Variants in ASPHD1 observed in about 807,000 individuals in gnomAD.
The protein encoded by ASPHD1 is aspartate beta-hydroxylase domain containing 1, also known as aspartate beta-hydroxylase domain-containing protein 1.
In ASPHD1, 20 loss-of-function variants were observed where a neutral mutation model predicts 28.3. That is an observed-to-expected ratio of 0.71 (90% confidence interval 0.50 to 1.03). ASPHD1 has a LOEUF of 1.03. Ranked by LOEUF, ASPHD1 falls within the 50% of genes least tolerant of loss-of-function variation. The pLI is 0.00. For synonymous variants in ASPHD1, 240 were observed against 221.2 expected, an observed-to-expected ratio of 1.08 and a Z score of -0.75; for missense variants, 479 against 524.1, an observed-to-expected ratio of 0.91 and a Z score of 0.84.
At chr16:29,909,497 T>C (rs1460233663), downstream of ASPHD1, among the ~76,000 whole-genome samples, 1 of 152,070 alleles carries the variant, frequency 6.6e-6, no homozygotes, top group Non-Finnish European at 1.5e-5. Context: ...GGGCTTGTAT[T>C]TTGCTCAGCA....
Position 29,901,777 on chromosome 16 carries a change from C to T in ASPHD1, c.806C>T (p.Pro269Leu), listed in dbSNP as rs764035673. ...RCQPSNCRRC[P>L]GAYRALRGLR... ...CAACCCAGCAACTGCCGCCGGTGCC[C>T]GGGGGCCTATCGGGCACTGAGGGGG... Residue 269 changes from proline to leucine, a missense_variant, in exon 1 of 3, where the codon CCG (proline) becomes CTG (leucine). By Grantham distance (98) the Pro-to-Leu change is moderately conservative (BLOSUM62 -3). Coordinates refer to ENST00000308748, the MANE Select transcript of ASPHD1 (RefSeq NM_181718.4). This position sits in a 1 kb window ranked among gnomAD's most constrained non-coding sequence, Gnocchi z 5.1. The T allele has an allele frequency of 1.3e-6, 2 of 1,556,452 alleles. No individual in the cohort carries two copies. Among genetic ancestry groups the T allele is most frequent in the East Asian group, 2.3e-5 (1 of 43,710 alleles).
In ASPHD1 at chr16:29,901,695, T is replaced by C; in HGVS notation, c.724T>C (p.Ser242Pro). 6.3e-7 allele frequency: 1 copy of C among 1,582,278 alleles called. No homozygotes were observed. Among genetic ancestry groups the C allele is most frequent in the Non-Finnish European group, 8.6e-7 (1 of 1,168,012 alleles). ...GACTACCCCTCCGCCTCGGGGCTGG[T>C]CCCCACCTCTGGCCCCCGGGTGCTA... ...SGTTPPPRGW[S>P]PPLAPGCYQL... Residue 242 changes from serine (S) to proline (P), a missense_variant, in exon 1 of 3, where the codon TCC (serine) becomes CCC (proline). By Grantham distance (74) the Ser-to-Pro change is moderately conservative (BLOSUM62 -1). Transcript: ENST00000308748. The surrounding 1 kb of genome is among the most constrained non-coding windows in gnomAD (Gnocchi z 5.1).
At chr16:29,911,867 G>T in intron 3 of ASPHD1, 1 of 1,612,278 alleles carries the variant, frequency 6.2e-7, no homozygotes, top group South Asian at 1.1e-5. Flanking sequence ...TTCACCACGG[G>T]CTGGCGGGGG....
At chr16:29,906,288 ACCT>A (rs2068610936), downstream of ASPHD1, 1 of 191,506 alleles carries the variant, frequency 5.2e-6, no homozygotes, top group Non-Finnish European at 1.1e-5. Context: ...CCGGCCAGAT[ACCT>A]CCTAACACAG....
rs1398513297 is a variant in ASPHD1 at position 29,911,608 on chromosome 16, C to T, written c.*62+5649C>T. ...CTCGCCACTATCACTTTGTCCTCACCCAAACCCATTTACTGATGACTGAGC... is the reference window on the plus strand; with the variant it reads ...CTCGCCACTATCACTTTGTCCTCACTCAAACCCATTTACTGATGACTGAGC... On this transcript the variant is annotated intron_variant and NMD_transcript_variant, in intron 3 of 3. Coordinates refer to the ASPHD1 transcript ENST00000414952. The T allele has an allele frequency of 4.9e-6, 3 of 608,254 alleles. No homozygotes were observed. The African/African-American group carries it at 5.6e-5, about 11-fold the overall frequency. The allele number at this position is 608,254 out of a possible 1,614,324, so 37.7% of individuals were successfully genotyped here. A position where few individuals can be genotyped will look rare whatever the true frequency, so the allele number is the denominator to read the frequency against.
In ASPHD1 at chr16:29,901,481, G is replaced by GGTT; in HGVS notation, c.511_512insTTG (p.Gln170_Gly171insVal). On this transcript the variant is annotated inframe_insertion, in exon 1 of 3. Coordinates refer to ENST00000308748, the MANE Select transcript of ASPHD1 (RefSeq NM_181718.4). This position sits in a 1 kb window ranked among gnomAD's most constrained non-coding sequence, Gnocchi z 5.1. ...TGGGTAGAGTGAGGCGGGCAGCTCA[G>GGTT]GGTGGCCCAGGCCCTGGGAGAGGGC... The GGTT allele has an allele frequency of 6.2e-7, 1 of 1,603,046 alleles. No homozygotes were observed. Among genetic ancestry groups the GGTT allele is most frequent in the Non-Finnish European group, 8.5e-7 (1 of 1,177,532 alleles).
chr16:29,917,501 G>T (rs1356829073), intron 3 of ASPHD1, among the ~76,000 whole-genome samples: 2 of 152,064 alleles, frequency 1.3e-5, no homozygotes, highest in Non-Finnish European at 2.9e-5. Flanking sequence ...ACAAAAATTA[G>T]ACGGGTGTGG....
At chr16:29,911,672 G>T in intron 3 of ASPHD1, 1 of 779,288 alleles carries the variant, frequency 1.3e-6, no homozygotes, top group Non-Finnish European at 2.1e-6. Context: ...TAGAGCGTCA[G>T]GGGTAAGAGG....
At chr16:29,919,501 A>C (rs1192901540) in intron 3 of ASPHD1, 1 of 152,196 alleles carries the variant, frequency 6.6e-6, no homozygotes. Context: ...AACTATTTGT[A>C]AAGTCATGCT....
chr16:29,905,996 G>A lies in ASPHD1; in HGVS notation c.*99G>A. The stretch of plus-strand genomic sequence containing the variant: ...CTCCTCTCTACTGCGGGGGTGGGCG[G>A]GGGCGGAGGATGGGAACTGGCTAGT... On this transcript the variant is annotated 3_prime_UTR_variant, in exon 3 of 3. Transcript: ENST00000308748. 1.4e-6 allele frequency: 1 copy of A among 709,532 alleles called. No homozygotes were observed. The highest frequency in any genetic ancestry group is 2.3e-6 in the Non-Finnish European group (1 of 432,688). The allele number at this position is 709,532 out of a possible 1,614,324, so 44.0% of individuals were successfully genotyped here.
Position 29,906,005 on chromosome 16 carries a change from G to GGTTGT in ASPHD1, c.*108_*109insGTTGT. On this transcript the variant is annotated 3_prime_UTR_variant, in exon 3 of 3. Coordinates refer to ENST00000308748, the MANE Select transcript of ASPHD1 (RefSeq NM_181718.4). ...ACTGCGGGGGTGGGCGGGGGCGGAGGATGGGAACTGGCTAGTGAGCACTGA... is the reference window on the plus strand; with the variant it reads ...ACTGCGGGGGTGGGCGGGGGCGGAGGGTTGTATGGGAACTGGCTAGTGAGCACTGA... 2 of 465,158 alleles carry GGTTGT rather than the reference G, an allele frequency of 4.3e-6. No individual in the cohort carries two copies. The highest frequency in any genetic ancestry group is 6.2e-5 in the Admixed American group (2 of 32,422). The allele number at this position is 465,158 out of a possible 1,614,324, so 28.8% of individuals were successfully genotyped here. A position where few individuals can be genotyped will look rare whatever the true frequency, so the allele number is the denominator to read the frequency against.
At chr16:29,906,630 C>T (rs1166242577), downstream of ASPHD1, 14 of 667,978 alleles carry the variant, frequency 2.1e-5, no homozygotes. Flanking sequence ...GGACGCAGGG[C>T]CAGGGTGGGG....
chr16:29,912,095 G>A (rs1291704602), intron 3 of ASPHD1: 19 of 1,305,060 alleles, frequency 1.5e-5, no homozygotes, highest in African/African-American at 7.3e-5. Context: ...CAAAGGCCAC[G>A]TACTCCCCCA....
At chr16:29,906,758 C>T, downstream of ASPHD1, 1 of 839,132 alleles carries the variant, frequency 1.2e-6, no homozygotes, top group African/African-American at 1.7e-5. Context: ...AATGAAGGGA[C>T]AGAGGAGGAC....
downstream of ASPHD1, among the ~76,000 whole-genome samples, chr16:29,907,855 A>G (rs1395660422): frequency 6.6e-6 from 1 of 151,568 alleles, no homozygotes; most frequent in Non-Finnish European, 1.5e-5. Context: ...GAAACGATAT[A>G]AGCTGGGTGT....
At chr16:29,917,684 C>A (rs956075742) in intron 3 of ASPHD1, among the ~76,000 whole-genome samples, 1 of 152,114 alleles carries the variant, frequency 6.6e-6, no homozygotes, top group African/African-American at 2.4e-5. Context: ...GAGGTTAGGG[C>A]AGGAGAATCG....
chr16:29,907,139 C>A (rs149662053), downstream of ASPHD1: 147 of 1,512,542 alleles, frequency 9.7e-5, no homozygotes, highest in East Asian at 3.3e-3. Context: ...CCAGCTCCTT[C>A]CTTCTGGTGC....
intron 3 of ASPHD1, among the ~76,000 whole-genome samples, chr16:29,919,141 A>G (rs1204807859): frequency 2.6e-5 from 4 of 152,214 alleles, no homozygotes; most frequent in African/African-American, 9.6e-5. Flanking sequence ...GAAATTAAGG[A>G]TAAGGCTGGG....
At chr16:29,917,584 A>C (rs2068832601) in intron 3 of ASPHD1, among the ~76,000 whole-genome samples, 1 of 152,152 alleles carries the variant, frequency 6.6e-6, no homozygotes, top group African/African-American at 2.4e-5. Context: ...GTTCGAGACC[A>C]GTCTGGCCAA....
Sources: allele counts gnomAD v4.1 joint callset (sites outside exome capture counted in the v4.1 genomes callset), GRCh38; gene constraint gnomAD v4.1.1; non-coding constraint Gnocchi (gnomAD v3.1); transcripts MANE v1.5; gene names NCBI Gene and HGNC (gene_info 2026-07-23, HGNC 2026-07-21).